The following CSNK1G1 variants were observed in gnomAD, a reference collection of about 807,000 sequenced individuals.
CSNK1G1 encodes the protein casein kinase I isoform gamma-1.
Under a neutral mutation model 59.6 loss-of-function variants are expected in CSNK1G1, and 22 were observed. The ratio of observed to expected loss-of-function variants is 0.37; its 90% CI spans 0.26 to 0.53. CSNK1G1 has a LOEUF of 0.53. Among genes scored for constraint, CSNK1G1 ranks in the 20% least tolerant of loss-of-function variants. The probability of loss-of-function intolerance (pLI) is 0.89; values close to 1 mark genes in which losing one functional copy is unlikely to be tolerated. For missense variants in CSNK1G1, 384 were observed against 519.5 expected, an observed-to-expected ratio of 0.74 and a Z score of 2.54; for synonymous variants, 179 against 177.1, an observed-to-expected ratio of 1.01 and a Z score of -0.08.
intron 6 of CSNK1G1, among the ~76,000 whole-genome samples, chr15:64,213,531 G>A (rs1367640047): frequency 2.0e-5 from 3 of 152,098 alleles, no homozygotes; most frequent in Non-Finnish European, 2.9e-5. Context: ...CTTCCCCACC[G>A]CTGACCCAGC....
intron 2 of CSNK1G1, among the ~76,000 whole-genome samples, chr15:64,263,771 C>T (rs1892825311): frequency 8.6e-6 from 1 of 116,816 alleles, no homozygotes; most frequent in Non-Finnish European, 1.7e-5. Context: ...TCTGTTTTCA[C>T]TTTCTCTTCC....
intron 1 of CSNK1G1, among the ~76,000 whole-genome samples, chr15:64,313,089 A>G (rs1896080621): frequency 6.6e-6 from 1 of 152,236 alleles, no homozygotes; most frequent in African/African-American, 2.4e-5. Context: ...TGATCATTAA[A>G]AAGTCAGGAA....
At position 64,165,718 on chromosome 15, in the gene CSNK1G1, C is replaced by A. The variant is rs62024251; in HGVS notation, c.*6213G>T. On this transcript the variant is annotated 3_prime_UTR_variant, in exon 12 of 12. Transcript: ENST00000303052. ...AAAAACAGACAAACCAATCAACCAA[C>A]CAAACAAGCAGAAGTAGCCAAGAAA... is the stretch of plus-strand genomic sequence containing the variant. 14,101 of 255,500 alleles carry A rather than the reference C, an allele frequency of 0.055. 1,657 individuals carry two copies. The highest frequency in any genetic ancestry group is 0.27 in the African/African-American group (11,976 of 44,548). The allele number at this position is 255,500 out of a possible 1,614,324, so 15.8% of individuals were successfully genotyped here.
At position 64,191,622 on chromosome 15, in the gene CSNK1G1, C is replaced by T. The variant is rs564078734; in HGVS notation, c.1108-11168G>A. 5.9e-5 allele frequency among the ~76,000 whole-genome samples: 9 copies of T among 152,160 alleles called. 1 individual carries two copies. Among genetic ancestry groups the T allele is most frequent in the African/African-American group, 1.9e-4 (8 of 41,526 alleles). On this transcript the variant is annotated intron_variant, in intron 10 of 11. Transcript: ENST00000303052. The stretch of plus-strand genomic sequence containing the variant: ...TAAATGAAAATACCAAGACATTTTT[C>T]AAAGGCCTAAAAATCACATTCCATC...
chr15:64,329,036 G>A lies in CSNK1G1; in HGVS notation c.-225+26952C>T, dbSNP rs1001902673. Among the ~76,000 whole-genome samples, 678 of 147,298 alleles carry A rather than the reference G, an allele frequency of 4.6e-3. 6 individuals carry two copies. The highest frequency in any genetic ancestry group is 0.016 in the African/African-American group (628 of 40,108). On this transcript the variant is annotated intron_variant, in intron 1 of 11. Transcript: ENST00000303052. ...CAGATTCATAAAGCAAGTCCTGAGT[G>A]ACCTACAAAGAGACTTAGACTCCCA... is the stretch of plus-strand genomic sequence containing the variant.
intron 10 of CSNK1G1, among the ~76,000 whole-genome samples, chr15:64,201,706 A>ATGTG (rs10664838): frequency 0.059 from 7,513 of 126,374 alleles, 208 homozygotes; most frequent in South Asian, 0.098. Flanking sequence ...TCCATTGGAC[A>ATGTG]TGTGTGTGTG....
At chr15:64,302,924 G>C (rs1180038887) in intron 1 of CSNK1G1, among the ~76,000 whole-genome samples, 1 of 151,962 alleles carries the variant, frequency 6.6e-6, no homozygotes, top group African/African-American at 2.4e-5. Flanking sequence ...CCAACAGATG[G>C]ATGTTATTTT....
chr15:64,174,505 G>A (rs2081717892), intron 11 of CSNK1G1, among the ~76,000 whole-genome samples: 1 of 152,348 alleles, frequency 6.6e-6, no homozygotes, highest in South Asian at 2.1e-4. Context: ...TCTAGACCAA[G>A]TCCACTGATT....
intron 10 of CSNK1G1, among the ~76,000 whole-genome samples, chr15:64,183,006 A>T (rs960426830): frequency 6.6e-6 from 1 of 152,228 alleles, no homozygotes; most frequent in African/African-American, 2.4e-5. Context: ...AATACTGGTA[A>T]ACTCATTCTG....
At chr15:64,183,043 G>T (rs991772286) in intron 10 of CSNK1G1, among the ~76,000 whole-genome samples, 1 of 152,174 alleles carries the variant, frequency 6.6e-6, no homozygotes, top group Non-Finnish European at 1.5e-5. Flanking sequence ...AGGAAACATA[G>T]TAAGTTTCTA....
In CSNK1G1 at chr15:64,167,743, GC is replaced by G. The variant is rs2081618669; in HGVS notation, c.*4187del. On this transcript the variant is annotated 3_prime_UTR_variant, in exon 12 of 12. Transcript: ENST00000303052. ...GTTTAAATGTGAAATGGAAGAGGTGGCTGGAACACAGGAGGCATGTGGGCTT... is the reference window on the plus strand; with the variant it reads ...GTTTAAATGTGAAATGGAAGAGGTGGTGGAACACAGGAGGCATGTGGGCTT... 1 of 152,676 alleles carries G rather than the reference GC, an allele frequency of 6.5e-6. No individual in the cohort carries two copies. Among genetic ancestry groups the G allele is most frequent in the Admixed American group, 6.5e-5 (1 of 15,286 alleles). The allele number at this position is 152,676 out of a possible 1,614,324, so 9.5% of individuals were successfully genotyped here.
At chr15:64,294,917 A>G (rs1055323590) in intron 2 of CSNK1G1, among the ~76,000 whole-genome samples, 2 of 149,496 alleles carry the variant, frequency 1.3e-5, no homozygotes, top group African/African-American at 2.5e-5. Context: ...CGTCTCAAAA[A>G]AAAAAAAAAA....
chr15:64,294,672 A>G (rs1029705189), intron 2 of CSNK1G1, among the ~76,000 whole-genome samples: 2 of 151,994 alleles, frequency 1.3e-5, no homozygotes, highest in African/African-American at 2.4e-5. Flanking sequence ...GCACTTTGGG[A>G]GGCCAAGGCA....
At chr15:64,292,318 C>A (rs1330852206) in intron 2 of CSNK1G1, among the ~76,000 whole-genome samples, 1 of 152,018 alleles carries the variant, frequency 6.6e-6, no homozygotes, top group Non-Finnish European at 1.5e-5. Context: ...ACATCAATCA[C>A]AGAAATAAGT....
At chr15:64,295,788 C>A (rs1401453870) in intron 2 of CSNK1G1, among the ~76,000 whole-genome samples, 1 of 152,178 alleles carries the variant, frequency 6.6e-6, no homozygotes. Context: ...TAGATTATGT[C>A]ACTCTGTTGT....
intron 1 of CSNK1G1, among the ~76,000 whole-genome samples, chr15:64,346,794 T>C (rs1898002771): frequency 6.6e-6 from 1 of 152,048 alleles, no homozygotes. Flanking sequence ...AAAAGCATTA[T>C]CAATGAAAGA....
chr15:64,306,520 T>C (rs1895692346), intron 1 of CSNK1G1, among the ~76,000 whole-genome samples: 1 of 152,198 alleles, frequency 6.6e-6, no homozygotes, highest in Non-Finnish European at 1.5e-5. Flanking sequence ...ATAGGAACTC[T>C]CATTCACTGC....
chr15:64,221,053 T>TA (rs1486619653), intron 4 of CSNK1G1, among the ~76,000 whole-genome samples: 1 of 152,198 alleles, frequency 6.6e-6, no homozygotes, highest in East Asian at 1.9e-4. Flanking sequence ...GGATTTTTTT[T>TA]ATCAAAAAGA....
At chr15:64,283,417 A>C (rs1348290082) in intron 2 of CSNK1G1, among the ~76,000 whole-genome samples, 1 of 151,534 alleles carries the variant, frequency 6.6e-6, no homozygotes, top group Non-Finnish European at 1.5e-5. Context: ...ATCTTGGCTC[A>C]CTGCAACCTC....
Sources: allele counts gnomAD v4.1 joint callset (sites outside exome capture counted in the v4.1 genomes callset), GRCh38; gene constraint gnomAD v4.1.1; transcripts MANE v1.5; gene names NCBI Gene and HGNC (gene_info 2026-07-23, HGNC 2026-07-21).